Variants in CPA6 observed in about 807,000 individuals in gnomAD.
The protein encoded by CPA6 is carboxypeptidase A6.
A neutral mutation model predicts 63.3 loss-of-function variants in CPA6; 58 were observed. The ratio of observed to expected loss-of-function variants is 0.92; its 90% CI spans 0.74 to 1.14. The LOEUF is 1.14. Among genes scored for constraint, CPA6 ranks in the 50% most tolerant of loss-of-function variants. The pLI, the probability that CPA6 is intolerant of heterozygous loss-of-function variation, is 0.00. For synonymous variants in CPA6, 185 were observed against 179.0 expected, an observed-to-expected ratio of 1.03 and a Z score of -0.27; for missense variants, 565 against 526.6, an observed-to-expected ratio of 1.07 and a Z score of -0.71.
At chr8:67,496,127 TAA>T (rs1011033558) in intron 6 of CPA6, among the ~76,000 whole-genome samples, 1 of 152,204 alleles carries the variant, frequency 6.6e-6, no homozygotes, top group African/African-American at 2.4e-5. Flanking sequence ...CTTGTCTTTT[TAA>T]AGTCTTAATG....
intron 10 of CPA6, 128 bp downstream of exon 10, chr8:67,427,919 T>A: frequency 1.6e-6 from 1 of 611,950 alleles, no homozygotes; most frequent in Middle Eastern, 2.6e-4. Context: ...TCTATTTTCC[T>A]CAGCTAATTT....
At chr8:67,693,105 GAA>G (rs1345963277) in intron 1 of CPA6, among the ~76,000 whole-genome samples, 1 of 152,198 alleles carries the variant, frequency 6.6e-6, no homozygotes, top group East Asian at 1.9e-4. Flanking sequence ...TGGCAAATGT[GAA>G]AAGACTCATT....
chr8:67,705,147 G>A (rs995802601), intron 1 of CPA6, among the ~76,000 whole-genome samples: 2 of 152,178 alleles, frequency 1.3e-5, no homozygotes, highest in Admixed American at 6.5e-5. Context: ...AAGGCAATGT[G>A]CCTCAATGGG....
Position 67,457,759 on chromosome 8 carries a change from G to A in CPA6, c.839-23519C>T, listed in dbSNP as rs866226641. On this transcript the variant is annotated intron_variant, in intron 8 of 10. Transcript: ENST00000297770. ...ATCAGTGTCAGTTCCTCAGCATGGT[G>A]TCCAAGCCCCTACTGATCGAACATT... Among the ~76,000 whole-genome samples the A allele has an allele frequency of 2.0e-5, 3 of 152,190 alleles. No individual in the cohort carries two copies. In the Middle Eastern group the frequency reaches 0.01, roughly 521 times the overall value.
intron 9 of CPA6, 145 bp downstream of exon 9, chr8:67,433,893 G>A (rs1261402356): frequency 1.6e-5 from 10 of 621,454 alleles, no homozygotes; most frequent in Non-Finnish European, 2.5e-5. Flanking sequence ...GATTGTTAAT[G>A]AAGAATAAAT....
At chr8:67,550,779 C>A (rs1398288889) in intron 2 of CPA6, among the ~76,000 whole-genome samples, 1 of 152,136 alleles carries the variant, frequency 6.6e-6, no homozygotes, top group African/African-American at 2.4e-5. Context: ...TTGCATTTCT[C>A]TGATGACTAG....
At chr8:67,582,679 A>G (rs1429857408) in intron 2 of CPA6, among the ~76,000 whole-genome samples, 1 of 152,148 alleles carries the variant, frequency 6.6e-6, no homozygotes, top group East Asian at 1.9e-4. Context: ...TTTTGTTAGC[A>G]GGTGTGTTTT....
At chr8:67,722,386 G>A (rs976946917) in intron 1 of CPA6, among the ~76,000 whole-genome samples, 4 of 152,166 alleles carry the variant, frequency 2.6e-5, no homozygotes, top group Non-Finnish European at 2.9e-5. Context: ...AGCCCAGGGT[G>A]TTTGTAGTTA....
intron 1 of CPA6, among the ~76,000 whole-genome samples, chr8:67,671,199 C>T (rs1196446578): frequency 6.6e-6 from 1 of 152,208 alleles, no homozygotes; most frequent in Non-Finnish European, 1.5e-5. Context: ...TTGCTGATAC[C>T]CCACAATGGT....
intron 2 of CPA6, among the ~76,000 whole-genome samples, chr8:67,525,477 G>A (rs1812341802): frequency 6.6e-6 from 1 of 152,186 alleles, no homozygotes; most frequent in Non-Finnish European, 1.5e-5. Flanking sequence ...ACCAGCCTGA[G>A]TACTAGTTAT....
At chr8:67,588,880 G>A (rs747368113) in intron 2 of CPA6, among the ~76,000 whole-genome samples, 3 of 152,090 alleles carry the variant, frequency 2.0e-5, no homozygotes, top group East Asian at 3.9e-4. Flanking sequence ...TGGCTCATGC[G>A]TGTAATCCCA....
intron 2 of CPA6, among the ~76,000 whole-genome samples, chr8:67,543,215 C>G (rs1812743229): frequency 2.0e-5 from 3 of 152,186 alleles, no homozygotes; most frequent in Non-Finnish European, 4.4e-5. Flanking sequence ...CTTATATTCT[C>G]AAGCAAAATA....
At chr8:67,474,260 C>T (rs1395181942) in intron 8 of CPA6, among the ~76,000 whole-genome samples, 2 of 152,022 alleles carry the variant, frequency 1.3e-5, no homozygotes, top group Non-Finnish European at 2.9e-5. Context: ...CTTGCTCTGT[C>T]GCCCAGACTT....
intron 1 of CPA6, among the ~76,000 whole-genome samples, chr8:67,634,343 C>T (rs909940325): frequency 4.6e-5 from 7 of 150,598 alleles, no homozygotes; most frequent in Non-Finnish European, 1.0e-4. Flanking sequence ...CTCAGCCTCC[C>T]GAGTAGCTGG....
At chr8:67,571,236 T>C (rs935886041) in intron 2 of CPA6, among the ~76,000 whole-genome samples, 3 of 150,332 alleles carry the variant, frequency 2.0e-5, no homozygotes, top group African/African-American at 4.9e-5. Flanking sequence ...GAGAGAGAGA[T>C]TGCCATTCAA....
intron 8 of CPA6, among the ~76,000 whole-genome samples, chr8:67,475,789 CTTT>C (rs1222777896): frequency 0.12 from 8,811 of 76,184 alleles, 723 homozygotes; most frequent in African/African-American, 0.21. Context: ...TTCTTTCTTT[CTTT>C]CTTTCTTTCT....
rs548666275 is a variant in CPA6 at position 67,582,895 on chromosome 8, G to T, written c.192+41281C>A. On this transcript the variant is annotated intron_variant, in intron 2 of 10. Transcript: ENST00000297770. ...AATTATCAGTGGTGCTGTAGGTTGT[G>T]GTATTGTGTTGAATTTTGGTGGGGT... 6.5e-4 allele frequency among the ~76,000 whole-genome samples: 99 copies of T among 152,202 alleles called. 1 individual carries two copies. In the South Asian group the frequency reaches 0.02, roughly 31 times the overall value.
At chr8:67,594,506 C>G (rs1443607424) in intron 2 of CPA6, among the ~76,000 whole-genome samples, 3 of 152,206 alleles carry the variant, frequency 2.0e-5, no homozygotes, top group Non-Finnish European at 4.4e-5. Flanking sequence ...TTCTCCCCGT[C>G]ACTTTCAGGT....
chr8:67,489,292 A>T (rs541024318), intron 6 of CPA6, among the ~76,000 whole-genome samples: 1 of 152,036 alleles, frequency 6.6e-6, no homozygotes, highest in African/African-American at 2.4e-5. Context: ...GAGTGGAAAG[A>T]TTGGCTCACT....
Sources: gnomAD v4.1 joint callset for allele counts (sites outside exome capture counted in the v4.1 genomes callset) on GRCh38, gnomAD v4.1.1 for gene constraint, MANE v1.5 for transcripts, NCBI Gene and HGNC (gene_info 2026-07-23, HGNC 2026-07-21) for gene names.